Variants in GCNT4 observed in about 807,000 individuals in gnomAD.
GCNT4 encodes the protein beta-1,3-galactosyl-O-glycosyl-glycoprotein beta-1,6-N-acetylglucosaminyltransferase 4.
GCNT4 carries 17 observed loss-of-function variants against 31.3 expected under a neutral mutation model. The observed-to-expected ratio is 0.54, with a 90% CI of 0.37 to 0.81. GCNT4 has a LOEUF of 0.81. GCNT4 is among the 40% of genes least tolerant of loss of function. The pLI, the probability that GCNT4 is intolerant of heterozygous loss-of-function variation, is 0.00. For synonymous variants in GCNT4, 158 were observed against 190.6 expected (o/e 0.83, Z 1.41); for missense variants, 503 against 525.5 (o/e 0.96, Z 0.42).
At chr5:75,044,709 G>GC (rs1328437119) in intron 3 of GCNT4, among the ~76,000 whole-genome samples, 2 of 151,958 alleles carry the variant, frequency 1.3e-5, no homozygotes, top group Non-Finnish European at 2.9e-5. Context: ...ATCTCCAAAG[G>GC]CAACAGCCAC....
chr5:75,034,367 C>T (rs1313706435), intron 3 of GCNT4, among the ~76,000 whole-genome samples: 1 of 152,226 alleles, frequency 6.6e-6, no homozygotes, highest in Non-Finnish European at 1.5e-5. Context: ...CTGGTAGAGG[C>T]CCCGGGCCTG....
chr5:75,039,376 G>A (rs914594293), intron 3 of GCNT4, among the ~76,000 whole-genome samples: 5 of 152,204 alleles, frequency 3.3e-5, no homozygotes, highest in Non-Finnish European at 7.3e-5. Context: ...TTACAGGCGT[G>A]AGCCACTGCA....
At chr5:75,047,508 T>G (rs1460727403) in intron 3 of GCNT4, among the ~76,000 whole-genome samples, 6 of 152,142 alleles carry the variant, frequency 3.9e-5, no homozygotes, top group Non-Finnish European at 8.8e-5. Flanking sequence ...GGTGGGGTTT[T>G]GGGGGAGGCT....
rs1743587395 is a variant in GCNT4 at position 75,052,229 on chromosome 5, T to C, written c.-201-2A>G. On this transcript the variant is annotated splice_acceptor_variant, in intron 1 of 3. Transcript: ENST00000652361. LOFTEE classifies it low-confidence loss of function (5UTR_SPLICE). ...CTGTTAATCTTCTGGTTTGTTGTTC[T>C]TCCATTTTTAAAGACAAAAAAAAAA... 2 of 147,910 alleles carry C rather than the reference T, an allele frequency of 1.4e-5. No homozygotes were observed. Among genetic ancestry groups the C allele is most frequent in the South Asian group, 4.3e-4 (2 of 4,632 alleles). 9.2% of individuals were successfully genotyped at this position (147,910 alleles called of 1,614,324 possible).
In GCNT4 at chr5:75,028,749, T is replaced by C. The variant is rs1742999496; in HGVS notation, c.1289A>G (p.Glu430Gly). The C allele has an allele frequency of 6.2e-7, 1 of 1,613,944 alleles. No individual in the cohort carries two copies. Among genetic ancestry groups the C allele is most frequent in the Non-Finnish European group, 8.5e-7 (1 of 1,179,988 alleles). ...LIKCLAEKLEEQQRDWITLPS... is the reference protein window; with the variant it reads ...LIKCLAEKLEGQQRDWITLPS... ...CAAAGTGATCCAGTCTCTCTGCTGT[T>C]CTTCAAGCTTTTCTGCCAAGCATTT... Residue 430 changes from glutamate (E) to glycine (G), a missense_variant, in exon 4 of 4, where the codon GAA becomes GGA. Coordinates refer to ENST00000652361, the MANE Select transcript of GCNT4 (RefSeq NM_001366737.1).
At chr5:75,019,172 G>A in the GCNT4 span, among the ~76,000 whole-genome samples, 1 of 152,062 alleles carries the variant, frequency 6.6e-6, no homozygotes, top group Non-Finnish European at 1.5e-5. Context: ...CCCATAAATG[G>A]GATTAGTGCC....
chr5:75,053,837 C>G (rs953620343), upstream of GCNT4, among the ~76,000 whole-genome samples: 29 of 152,284 alleles, frequency 1.9e-4, no homozygotes, highest in African/African-American at 6.5e-4. Flanking sequence ...CGCCGCTGCC[C>G]GGAGCGTCAT....
downstream of GCNT4, among the ~76,000 whole-genome samples, chr5:75,021,386 G>A (rs939622701): frequency 1.3e-5 from 2 of 152,146 alleles, no homozygotes; most frequent in African/African-American, 4.8e-5. Context: ...TAGATCAGGC[G>A]CCCACTCCTT....
At position 75,029,880 on chromosome 5, in the gene GCNT4, G is replaced by C; in HGVS notation, c.158C>G (p.Ser53Trp). Residue 53 changes from serine (S) to tryptophan (W), a missense_variant, in exon 4 of 4, where the codon TCG (serine) becomes TGG (tryptophan). Ser to Trp is a radical substitution (Grantham distance 177). Coordinates refer to ENST00000652361, the MANE Select transcript of GCNT4 (RefSeq NM_001366737.1). ...AGTGTATCTGTTTCTTACAAAAGGC[G>C]AGGTACTTAGGGAGTACTCAACCAA... Reference protein sequence around the residue: ...IYLVEYSLSTSPFVRNRYTHV... With the variant: ...IYLVEYSLSTWPFVRNRYTHV... The C allele has an allele frequency of 6.2e-7, 1 of 1,614,086 alleles. No individual in the cohort carries two copies. Among genetic ancestry groups the C allele is most frequent in the Non-Finnish European group, 8.5e-7 (1 of 1,180,006 alleles).
the GCNT4 span, chr5:75,017,366 T>C: frequency 6.6e-6 from 1 of 152,212 alleles, no homozygotes; most frequent in Non-Finnish European, 1.5e-5. Flanking sequence ...TCTGGAATTT[T>C]TAACTCAACA....
intron 3 of GCNT4, among the ~76,000 whole-genome samples, chr5:75,033,741 C>T (rs1245029886): frequency 1.3e-5 from 2 of 151,580 alleles, no homozygotes; most frequent in African/African-American, 2.4e-5. Flanking sequence ...CATAGGTATA[C>T]ACGTGCCATG....
At chr5:75,051,002 T>C (rs1743557973) in intron 2 of GCNT4, among the ~76,000 whole-genome samples, 2 of 152,254 alleles carry the variant, frequency 1.3e-5, no homozygotes, top group Non-Finnish European at 2.9e-5. Flanking sequence ...ACAATGCCCC[T>C]TGGCATCACC....
Position 75,029,134 on chromosome 5 carries a change from T to A in GCNT4, c.904A>T (p.Ser302Cys). Reference sequence around the variant, plus strand: ...GCTTGACTTAAAACAAAATAAGCACTGCCAACAAATATCTGAATGTTATGG... The same window carrying A: ...GCTTGACTTAAAACAAAATAAGCACAGCCAACAAATATCTGAATGTTATGG... The part of the protein sequence containing the change: ...PPHNIQIFVG[S>C]AYFVLSQAFV... The change falls in exon 4 of 4, where the codon AGT (serine) becomes TGT (cysteine). Residue 302 changes from serine to cysteine, a missense_variant. Transcript: ENST00000652361. 1 of 1,614,048 alleles carries A rather than the reference T, an allele frequency of 6.2e-7. No homozygotes were observed. The highest frequency in any genetic ancestry group is 2.2e-5 in the East Asian group (1 of 44,882).
In GCNT4 at chr5:75,043,579, A is replaced by G. The variant is rs543514807; in HGVS notation, c.-2+4318T>C. Among the ~76,000 whole-genome samples, 6 of 152,284 alleles carry G rather than the reference A, an allele frequency of 3.9e-5. No homozygotes were observed. In the East Asian group the frequency reaches 9.6e-4, roughly 24 times the overall value. The stretch of plus-strand genomic sequence containing the variant: ...TTCCACTTTTCTGCCTGGAACTCCA[A>G]TATGATGGCTAGAATTGTTGCACCC... On this transcript the variant is annotated intron_variant, in intron 3 of 3. Transcript: ENST00000652361.
intron 3 of GCNT4, among the ~76,000 whole-genome samples, chr5:75,040,951 C>T (rs545011055): frequency 1.3e-3 from 186 of 147,588 alleles, no homozygotes; most frequent in South Asian, 2.6e-3. Context: ...AGAGTTTTTT[C>T]CCCAGTATGC....
chr5:75,023,298 T>C (rs550076674), downstream of GCNT4, among the ~76,000 whole-genome samples: 10 of 152,338 alleles, frequency 6.6e-5, no homozygotes, highest in South Asian at 2.1e-3. Context: ...TCAGAATAAA[T>C]GAATACAATT....
intron 3 of GCNT4, among the ~76,000 whole-genome samples, chr5:75,045,744 C>A (rs1743423397): frequency 6.6e-6 from 1 of 152,170 alleles, no homozygotes; most frequent in Non-Finnish European, 1.5e-5. Flanking sequence ...TAGGGAGGCA[C>A]TGTGTTAGAT....
rs551345711 is a variant in GCNT4, at chr5:75,026,020, A to G, written c.*2656T>C. 8 of 152,342 alleles carry G rather than the reference A, an allele frequency of 5.3e-5. 1 individual carries two copies. In the South Asian group the frequency reaches 1.7e-3, roughly 32 times the overall value. The allele number at this position is 152,342 out of a possible 1,614,324, so 9.4% of individuals were successfully genotyped here. A position where few individuals can be genotyped will look rare whatever the true frequency, so the allele number is the denominator to read the frequency against. On this transcript the variant is annotated 3_prime_UTR_variant, in exon 4 of 4. Coordinates refer to ENST00000652361, the MANE Select transcript of GCNT4 (RefSeq NM_001366737.1). ...AATCAGATATGAAGGCGTACAGGAA[A>G]TCTGTAGGATTTCCAAGGCAAAAAG...
Position 75,029,700 on chromosome 5 carries a change from T to C in GCNT4, c.338A>G (p.Tyr113Cys). 6.2e-7 allele frequency: 1 copy of C among 1,614,172 alleles called. No individual in the cohort carries two copies. The highest frequency in any genetic ancestry group is 8.5e-7 in the Non-Finnish European group (1 of 1,180,026). Residue 113 changes from tyrosine to cysteine, a missense_variant, in exon 4 of 4, where the codon TAT (tyrosine) becomes TGT (cysteine). Physicochemically the swap from Tyr to Cys is radical, Grantham distance 194. Transcript: ENST00000652361. ...VVAMTSDCDI[Y>C]QTLRGYAQKL... ...TTGAGCATAACCTCTTAGAGTCTGA[T>C]AAATGTCACAATCACTGGTCATTGC...
Sources: gnomAD v4.1 joint callset for allele counts (sites outside exome capture counted in the v4.1 genomes callset) on GRCh38, gnomAD v4.1.1 for gene constraint, MANE v1.5 for transcripts, NCBI Gene and HGNC (gene_info 2026-07-23, HGNC 2026-07-21) for gene names.